Variants in TTLL5 observed in about 807,000 individuals in gnomAD.
TTLL5 encodes the protein tubulin polyglutamylase TTLL5.
A neutral mutation model predicts 168.4 loss-of-function variants in TTLL5; 132 were observed. That is an observed-to-expected ratio of 0.78 (90% CI 0.68 to 0.91). The LOEUF is 0.91. Ranked by LOEUF, TTLL5 falls within the 40% of genes least tolerant of loss-of-function variation. TTLL5 has a pLI of 0.00. For synonymous variants in TTLL5, 546 were observed against 558.6 expected (o/e 0.98, Z 0.32); for missense variants, 1,545 against 1,581.5 (o/e 0.98, Z 0.39).
intron 15 of TTLL5, among the ~76,000 whole-genome samples, chr14:75,743,465 G>A (rs1889389907): frequency 3.3e-5 from 5 of 150,612 alleles, no homozygotes; most frequent in Admixed American, 3.3e-4. Context: ...TCTTTTTTCT[G>A]TTGGCTTATA....
chr14:75,736,088 A>G (rs571708063), intron 15 of TTLL5, among the ~76,000 whole-genome samples: 2 of 152,194 alleles, frequency 1.3e-5, no homozygotes, highest in African/African-American at 4.8e-5. Context: ...ACATTTATTT[A>G]CTTGTTCTAT....
chr14:75,822,066 G>T (rs1894863936), intron 28 of TTLL5, among the ~76,000 whole-genome samples: 1 of 152,170 alleles, frequency 6.6e-6, no homozygotes, highest in Non-Finnish European at 1.5e-5. Context: ...ACCTAAAGGA[G>T]CCCTGAGTGA....
intron 17 of TTLL5, among the ~76,000 whole-genome samples, chr14:75,751,630 C>T (rs74974145): frequency 2.0e-5 from 3 of 152,226 alleles, no homozygotes; most frequent in East Asian, 1.9e-4. Flanking sequence ...TTCAGTCTTT[C>T]GTTCACTGTG....
intron 6 of TTLL5, 61 bp downstream of exon 6, chr14:75,690,383 C>T: frequency 1.3e-6 from 2 of 1,533,616 alleles, no homozygotes; most frequent in East Asian, 2.3e-5. Context: ...ATATTTACCC[C>T]AAAAGCCTCC....
rs759029630 is a variant in TTLL5 at position 75,779,720 on chromosome 14, T to A, written c.2515+18T>A. ...AAAAGGTGGTAAGTATACTGGTTAA[T>A]GAACGAAAAATAAGAAGAACAAGTG... On this transcript the variant is annotated intron_variant, in intron 24 of 31. Coordinates refer to ENST00000298832, the MANE Select transcript of TTLL5 (RefSeq NM_015072.5). 6.3e-7 allele frequency: 1 copy of A among 1,582,918 alleles called. No individual in the cohort carries two copies. The highest frequency in any genetic ancestry group is 8.6e-7 in the Non-Finnish European group (1 of 1,168,826).
At chr14:75,680,615 ATTTTTTTTTTTT>A (rs35254410) in intron 3 of TTLL5, among the ~76,000 whole-genome samples, 1 of 102,006 alleles carries the variant, frequency 9.8e-6, no homozygotes, top group Non-Finnish European at 1.9e-5. Flanking sequence ...TAGAGCAGGG[ATTTTTTTTTTTT>A]TTTTTTTTTT....
chr14:75,847,758 T>C (rs1242023001), intron 28 of TTLL5: 2 of 152,144 alleles, frequency 1.3e-5, no homozygotes, highest in East Asian at 3.9e-4. Context: ...ACTCTGCCAG[T>C]GATTCTTTGT....
intron 1 of TTLL5, among the ~76,000 whole-genome samples, chr14:75,662,041 T>A (rs1001095449): frequency 1.3e-5 from 2 of 152,222 alleles, no homozygotes; most frequent in Admixed American, 6.5e-5. Flanking sequence ...GAACATGTAC[T>A]TTTTTACTTT....
rs77736653 is a variant in TTLL5, at chr14:75,709,274, A to G, written c.740+1567A>G. ...CAGATATTATTGTACTCTGACAACT[A>G]TTATTTTAGAATGGTCTTTTAATGA... On this transcript the variant is annotated intron_variant, in intron 9 of 31. Transcript: ENST00000298832. 4.0e-4 allele frequency: 298 copies of G among 744,888 alleles called. 1 individual carries two copies. In the African/African-American group the frequency reaches 4.7e-3, roughly 12 times the overall value. 46.1% of individuals were successfully genotyped at this position (744,888 alleles called of 1,614,324 possible). A position where few individuals can be genotyped will look rare whatever the true frequency, so the allele number is the denominator to read the frequency against.
chr14:75,719,855 C>A (rs766953161), intron 11 of TTLL5, 29 bp downstream of exon 11: 10 of 1,596,836 alleles, frequency 6.3e-6, no homozygotes, highest in Non-Finnish European at 8.6e-6. Context: ...TCCTTCTTGA[C>A]TTCTCTTCTT....
At chr14:75,811,181 G>GTGTGTGTGTA (rs778265688) in intron 27 of TTLL5, among the ~76,000 whole-genome samples, 2,261 of 121,100 alleles carry the variant, frequency 0.019, 39 homozygotes, top group Non-Finnish European at 0.031. Flanking sequence ...GTGTGTGTGT[G>GTGTGTGTGTA]TGTGTGTATG....
intron 31 of TTLL5, among the ~76,000 whole-genome samples, chr14:75,945,062 C>A (rs769764546): frequency 1.3e-5 from 2 of 151,894 alleles, no homozygotes; most frequent in African/African-American, 4.8e-5. Context: ...AGATGCAAGA[C>A]GCCAGAAGTA....
intron 3 of TTLL5, 27 bp downstream of exon 3, chr14:75,669,549 C>A: frequency 6.3e-7 from 1 of 1,598,672 alleles, no homozygotes; most frequent in Non-Finnish European, 8.6e-7. Context: ...CCACAGAGGA[C>A]GGAGCTGGGC....
At chr14:75,699,417 T>C in intron 7 of TTLL5, 147 bp downstream of exon 7, 1 of 739,624 alleles carries the variant, frequency 1.4e-6, no homozygotes, top group African/African-American at 1.8e-5. Flanking sequence ...AGCGTAGGTA[T>C]AACTTGACTT....
rs1244576319 is a variant in TTLL5, at chr14:75,693,273, G to A, written c.502+2951G>A. Among the ~76,000 whole-genome samples the A allele has an allele frequency of 4.6e-5, 7 of 152,162 alleles. No individual in the cohort carries two copies. The South Asian group carries it at 1.5e-3, about 32-fold the overall frequency. On this transcript the variant is annotated intron_variant, in intron 6 of 31. Coordinates refer to ENST00000298832, the MANE Select transcript of TTLL5 (RefSeq NM_015072.5). ...GCCAGGAGTGAAGGGGCCTAGGGAT[G>A]GGTGGGTGTCTAAAAAGGCAGAAAG...
chr14:75,776,778 A>G lies in TTLL5; in HGVS notation c.2315A>G (p.Lys772Arg), dbSNP rs368396345. The G allele has an allele frequency of 1.2e-6, 2 of 1,613,998 alleles. No homozygotes were observed. Among genetic ancestry groups the G allele is most frequent in the Middle Eastern group, 1.7e-4 (1 of 6,058 alleles). Residue 772 changes from lysine to arginine, a missense_variant, in exon 23 of 32, where the codon AAG (lysine) becomes AGG (arginine). By Grantham distance (26) the Lys-to-Arg change is conservative. Transcript: ENST00000298832. ...GAACAAATGGCTGAAAAGAAATCAA[A>G]GAAGAAAGTTGAGGAAGAAGAGGAA... ...ETEQMAEKKS[K>R]KKVEEEEEDG...
At chr14:75,840,321 G>C (rs935121275) in intron 28 of TTLL5, among the ~76,000 whole-genome samples, 1 of 152,114 alleles carries the variant, frequency 6.6e-6, no homozygotes, top group African/African-American at 2.4e-5. Context: ...GTGGTTTGCT[G>C]CACCTATCAA....
chr14:75,692,922 GA>G (rs1319441240), intron 6 of TTLL5, among the ~76,000 whole-genome samples: 1 of 152,126 alleles, frequency 6.6e-6, no homozygotes, highest in African/African-American at 2.4e-5. Context: ...CAGAGATGTA[GA>G]TTCTGGAAGC....
chr14:75,706,747 C>CTTAT (rs537009993), intron 7 of TTLL5, among the ~76,000 whole-genome samples: 2,436 of 151,084 alleles, frequency 0.016, 46 homozygotes, highest in African/African-American at 0.046. Flanking sequence ...GGCTATTAGG[C>CTTAT]TTATTTATTT....
Sources: allele counts gnomAD v4.1 joint callset (sites outside exome capture counted in the v4.1 genomes callset), GRCh38; gene constraint gnomAD v4.1.1; transcripts MANE v1.5; gene names NCBI Gene and HGNC (gene_info 2026-07-23, HGNC 2026-07-21).